The following SMAP1 variants were observed in gnomAD, a reference collection of about 807,000 sequenced individuals.
SMAP1 encodes the protein small ArfGAP 1, also known as stromal membrane-associated protein 1.
A neutral mutation model predicts 58.5 loss-of-function variants in SMAP1; 24 were observed. That is an observed-to-expected ratio of 0.41 (90% CI 0.30 to 0.58). The LOEUF (loss-of-function observed/expected upper bound fraction) is 0.58, where lower values mean the gene tolerates loss of function less well. SMAP1 is among the 20% of genes least tolerant of loss of function. The pLI is 0.29. For synonymous variants in SMAP1, 216 were observed against 196.6 expected, an observed-to-expected ratio of 1.10 and a Z score of -0.82; for missense variants, 563 against 566.3, an observed-to-expected ratio of 0.99 and a Z score of 0.06.
chr6:70,715,608 C>A (rs530735050), intron 1 of SMAP1, among the ~76,000 whole-genome samples: 3 of 152,242 alleles, frequency 2.0e-5, no homozygotes, highest in South Asian at 2.1e-4. Flanking sequence ...TTTTTTGGCA[C>A]CAGCGACTGG....
intron 1 of SMAP1, among the ~76,000 whole-genome samples, chr6:70,710,493 C>CAAAA (rs35171922): frequency 4.0e-5 from 3 of 75,310 alleles, no homozygotes; most frequent in African/African-American, 1.1e-4. Context: ...ACTCCCATCT[C>CAAAA]AAAAAAAAAA....
chr6:70,796,744 G>T (rs1181510075), intron 5 of SMAP1, among the ~76,000 whole-genome samples: 1 of 152,050 alleles, frequency 6.6e-6, no homozygotes, highest in African/African-American at 2.4e-5. Flanking sequence ...AATGTTTAAG[G>T]CAAAATGTCA....
At chr6:70,842,164 C>T (rs2150002278) in intron 7 of SMAP1, among the ~76,000 whole-genome samples, 1 of 152,164 alleles carries the variant, frequency 6.6e-6, no homozygotes, top group South Asian at 2.1e-4. Context: ...AGCAGAAGTG[C>T]CCAAGAAAAT....
intron 6 of SMAP1, among the ~76,000 whole-genome samples, chr6:70,827,076 A>C (rs940467172): frequency 6.6e-6 from 1 of 152,010 alleles, no homozygotes; most frequent in Non-Finnish European, 1.5e-5. Context: ...TGATGATCAG[A>C]TAGTAAGGTA....
chr6:70,858,298 T>G lies in SMAP1; in HGVS notation c.1269+69T>G, dbSNP rs58650114. The G allele has an allele frequency of 3.5e-3, 4,290 of 1,215,366 alleles. 11 individuals carry two copies. Among genetic ancestry groups the G allele is most frequent in the South Asian group, 0.012 (645 of 53,838 alleles). 75.3% of individuals were successfully genotyped at this position (1,215,366 alleles called of 1,614,324 possible). On this transcript the variant is annotated intron_variant, in intron 10 of 10. Transcript: ENST00000370455. Reference sequence around the variant, plus strand: ...TTTATTTTCTAAATCTTTTTTTTTTTTTTTTTTTTTTTTTTTTAAGTCTAG... The same window carrying G: ...TTTATTTTCTAAATCTTTTTTTTTTGTTTTTTTTTTTTTTTTTAAGTCTAG...
At chr6:70,834,532 A>G (rs1176619451) in intron 6 of SMAP1, among the ~76,000 whole-genome samples, 2 of 152,294 alleles carry the variant, frequency 1.3e-5, no homozygotes, top group East Asian at 3.9e-4. Context: ...AAGTTTTCTG[A>G]TTTTTAAGCC....
At chr6:70,815,696 G>A (rs1769598354) in intron 6 of SMAP1, among the ~76,000 whole-genome samples, 1 of 152,180 alleles carries the variant, frequency 6.6e-6, no homozygotes, top group Non-Finnish European at 1.5e-5. Context: ...GATGAAATAA[G>A]CTCAAAAGGC....
intron 3 of SMAP1, among the ~76,000 whole-genome samples, chr6:70,761,041 G>A (rs2149896790): frequency 6.6e-6 from 1 of 152,040 alleles, no homozygotes; most frequent in East Asian, 1.9e-4. Context: ...GCTTTTCAAA[G>A]TTTTACTGCT....
chr6:70,716,895 A>G (rs1768290173), intron 1 of SMAP1, among the ~76,000 whole-genome samples: 1 of 152,078 alleles, frequency 6.6e-6, no homozygotes, highest in Non-Finnish European at 1.5e-5. Context: ...TATCTGGAAC[A>G]TATTTCTCTG....
chr6:70,682,658 A>G (rs1251961416), intron 1 of SMAP1, among the ~76,000 whole-genome samples: 1 of 152,134 alleles, frequency 6.6e-6, no homozygotes, highest in Non-Finnish European at 1.5e-5. Flanking sequence ...TCTAAGGTCT[A>G]TGTTAAAGAG....
chr6:70,681,475 G>T (rs950730283), intron 1 of SMAP1, among the ~76,000 whole-genome samples: 1 of 152,114 alleles, frequency 6.6e-6, no homozygotes. Context: ...TTCTTTCGCT[G>T]ATGTTAACAG....
chr6:70,701,139 G>A (rs988877520), intron 1 of SMAP1, among the ~76,000 whole-genome samples: 1 of 152,180 alleles, frequency 6.6e-6, no homozygotes, highest in African/African-American at 2.4e-5. Flanking sequence ...GGCTGCCCCA[G>A]CTGGTATCTC....
At chr6:70,794,306 T>C (rs111484959) in intron 5 of SMAP1, among the ~76,000 whole-genome samples, 8,568 of 152,292 alleles carry the variant, frequency 0.056, 389 homozygotes, top group African/African-American at 0.12. Context: ...TTTGATTCTA[T>C]GGATGGGAGT....
intron 1 of SMAP1, among the ~76,000 whole-genome samples, chr6:70,688,376 G>A (rs1391240191): frequency 1.3e-5 from 2 of 152,150 alleles, no homozygotes; most frequent in African/African-American, 4.8e-5. Context: ...TAAAAAAAGT[G>A]CCAAACTTTT....
At chr6:70,771,347 C>T (rs1042751541) in intron 3 of SMAP1, among the ~76,000 whole-genome samples, 1 of 147,702 alleles carries the variant, frequency 6.8e-6, no homozygotes, top group African/African-American at 2.6e-5. Context: ...TTTGCTCTGC[C>T]CCAGAGTTGG....
chr6:70,748,401 A>G (rs1766136646), intron 2 of SMAP1, among the ~76,000 whole-genome samples: 1 of 152,254 alleles, frequency 6.6e-6, no homozygotes, highest in Non-Finnish European at 1.5e-5. Flanking sequence ...TACATTAAAA[A>G]TTTAAGAAAG....
chr6:70,771,212 C>G (rs1399269108), intron 3 of SMAP1, among the ~76,000 whole-genome samples: 4 of 152,208 alleles, frequency 2.6e-5, no homozygotes, highest in Admixed American at 6.5e-5. Context: ...CAGGGACCCA[C>G]TTGAGGAGGC....
chr6:70,836,431 AG>A (rs1431447590), intron 6 of SMAP1, among the ~76,000 whole-genome samples: 4 of 152,226 alleles, frequency 2.6e-5, no homozygotes, highest in African/African-American at 9.6e-5. Context: ...GGGAGCTATA[AG>A]ATGAGATTTG....
intron 1 of SMAP1, among the ~76,000 whole-genome samples, chr6:70,672,334 C>T (rs1254835092): frequency 2.0e-5 from 3 of 152,154 alleles, no homozygotes; most frequent in Non-Finnish European, 2.9e-5. Context: ...GACCTTTGCA[C>T]GTGCTGTTCT....
Sources: gnomAD v4.1 joint callset for allele counts (sites outside exome capture counted in the v4.1 genomes callset) on GRCh38, gnomAD v4.1.1 for gene constraint, MANE v1.5 for transcripts, NCBI Gene and HGNC (gene_info 2026-07-23, HGNC 2026-07-21) for gene names.